RCN3: variants seen among roughly 807,000 people sequenced by gnomAD.
The protein encoded by RCN3 is reticulocalbin 3, also known as reticulocalbin-3.
RCN3 carries 41 observed loss-of-function variants against 35.9 expected under a neutral mutation model. The observed-to-expected ratio is 1.14, with a 90% CI of 0.89 to 1.48. The LOEUF (loss-of-function observed/expected upper bound fraction) is 1.48, where lower values mean the gene tolerates loss of function less well. RCN3 is among the 40% of genes most tolerant of loss of function. The pLI, the probability that RCN3 is intolerant of heterozygous loss-of-function variation, is 0.00. For missense variants in RCN3, 451 were observed against 471.3 expected, an observed-to-expected ratio of 0.96 and a Z score of 0.40; for synonymous variants, 187 against 193.4, an observed-to-expected ratio of 0.97 and a Z score of 0.27.
chr19:49,538,679 AC>A (rs2080148602), intron 4 of RCN3, among the ~76,000 whole-genome samples: 1 of 152,188 alleles, frequency 6.6e-6, no homozygotes, highest in Non-Finnish European at 1.5e-5. Context: ...CCAGAAGGGC[AC>A]AAAAACAAGG....
chr19:49,532,016 T>C (rs1372891547), intron 2 of RCN3, among the ~76,000 whole-genome samples: 1 of 150,530 alleles, frequency 6.6e-6, no homozygotes, highest in African/African-American at 2.4e-5. Flanking sequence ...TTAGCCAGGA[T>C]GGTCTAGATC....
At chr19:49,542,512 A>G in intron 5 of RCN3, 41 bp from the exon 6 acceptor site, 3 of 1,477,766 alleles carry the variant, frequency 2.0e-6, no homozygotes, top group Non-Finnish European at 2.8e-6. Context: ...CTAGACCCCC[A>G]GAGCTGCCCC....
chr19:49,530,068 C>T lies in RCN3; in HGVS notation c.242+1354C>T, dbSNP rs561232480. On this transcript the variant is annotated intron_variant, in intron 2 of 6. Coordinates refer to ENST00000270645, the MANE Select transcript of RCN3 (RefSeq NM_020650.3). The stretch of plus-strand genomic sequence containing the variant: ...CCGGGTTCAACCAGTTGTTCTGCCT[C>T]GTACTCCCTAGTAGCTAGAGTCCTA... 5.2e-3 allele frequency among the ~76,000 whole-genome samples: 788 copies of T among 152,112 alleles called. 12 individuals carry two copies. The highest frequency in any genetic ancestry group is 0.018 in the African/African-American group (750 of 41,496).
chr19:49,528,315 C>A, intron 1 of RCN3, 152 bp from the exon 2 acceptor site: 1 of 662,488 alleles, frequency 1.5e-6, no homozygotes, highest in South Asian at 3.5e-5. Context: ...CCCTCTTTTC[C>A]CCCATCGCCC....
At position 49,535,769 on chromosome 19, in the gene RCN3, G is replaced by A. The variant is rs1348375444; in HGVS notation, c.446-1264G>A. ...GGAGGGTGAGGCAAGAGAATCACTT[G>A]AACCCAGGAGGCAGAAGTTGCAGTG... On this transcript the variant is annotated intron_variant, in intron 3 of 6. Transcript: ENST00000270645. Among the ~76,000 whole-genome samples the A allele has an allele frequency of 2.0e-5, 3 of 150,674 alleles. No homozygotes were observed. The Admixed American group carries it at 2.0e-4, about 10-fold the overall frequency.
rs371509158 is a variant in RCN3, at chr19:49,542,785, G to A, written c.879+33G>A. ...GACGGGGCCTCGGCAGGAGCGAGGA[G>A]CGGGTGGGCATTGCGGGCCAGACTC... On this transcript the variant is annotated intron_variant, in intron 6 of 6. Transcript: ENST00000270645. 143 of 1,544,846 alleles carry A rather than the reference G, an allele frequency of 9.3e-5. 1 individual carries two copies. Among genetic ancestry groups the A allele is most frequent in the African/African-American group, 2.8e-4 (21 of 73,988 alleles).
At chr19:49,540,974 A>C in intron 5 of RCN3, among the ~76,000 whole-genome samples, 2 of 147,740 alleles carry the variant, frequency 1.4e-5, no homozygotes, top group African/African-American at 5.0e-5. Flanking sequence ...ATTGTCGCCC[A>C]GGCTGGAGTG....
chr19:49,538,582 G>C (rs951702676), intron 4 of RCN3, among the ~76,000 whole-genome samples: 13 of 152,232 alleles, frequency 8.5e-5, no homozygotes, highest in Non-Finnish European at 1.8e-4. Flanking sequence ...AAAGTGCTGG[G>C]ATTACAGGTG....
chr19:49,532,877 T>G (rs977707471), intron 2 of RCN3, among the ~76,000 whole-genome samples: 1 of 152,040 alleles, frequency 6.6e-6, no homozygotes, highest in African/African-American at 2.4e-5. Context: ...GGTTTCACCA[T>G]GTGGACCAGG....
intron 2 of RCN3, among the ~76,000 whole-genome samples, chr19:49,530,811 A>G (rs1460708958): frequency 6.6e-6 from 1 of 152,128 alleles, no homozygotes; most frequent in Non-Finnish European, 1.5e-5. Flanking sequence ...TGCAATTTTA[A>G]ACAGGGAACT....
chr19:49,530,326 AT>A (rs774074543), intron 2 of RCN3, among the ~76,000 whole-genome samples: 414 of 132,004 alleles, frequency 3.1e-3, no homozygotes, highest in Middle Eastern at 4.0e-3. Context: ...CGCCCAGCTA[AT>A]TTTTTTTTTT....
At chr19:49,539,214 T>C (rs200028349) in intron 5 of RCN3, 35 bp downstream of exon 5, 1 of 1,550,274 alleles carries the variant, frequency 6.5e-7, no homozygotes, top group East Asian at 2.3e-5. Flanking sequence ...GGGATGCCTG[T>C]CCTCTCTCAG....
At chr19:49,532,779 A>G (rs1259499250) in intron 2 of RCN3, among the ~76,000 whole-genome samples, 1 of 152,106 alleles carries the variant, frequency 6.6e-6, no homozygotes, top group Non-Finnish European at 1.5e-5. Context: ...AGATTCAACC[A>G]ATTCTCCCGC....
rs758747071 is a variant in RCN3, at chr19:49,537,217, C to CT, written c.618+13dup. 25 of 1,490,226 alleles carry CT rather than the reference C, an allele frequency of 1.7e-5. No individual in the cohort carries two copies. The highest frequency in any genetic ancestry group is 2.0e-5 in the Non-Finnish European group (22 of 1,111,358). The allele number at this position is 1,490,226 out of a possible 1,614,324, so 92.3% of individuals were successfully genotyped here. A position where few individuals can be genotyped will look rare whatever the true frequency, so the allele number is the denominator to read the frequency against. On this transcript the variant is annotated intron_variant, in intron 4 of 6. Transcript: ENST00000270645. ...ACATCGTGATTGCTGTGAGTGGCGG[C>CT]TGGGGAACCCTGTCCCCCACACCCT... is the stretch of plus-strand genomic sequence containing the variant.
intron 2 of RCN3, among the ~76,000 whole-genome samples, chr19:49,530,080 T>C (rs1184901510): frequency 6.6e-6 from 1 of 151,966 alleles, no homozygotes; most frequent in African/African-American, 2.4e-5. Flanking sequence ...TACTCCCTAG[T>C]AGCTAGAGTC....
chr19:49,528,787 G>C, intron 2 of RCN3, 73 bp downstream of exon 2: 2 of 1,437,204 alleles, frequency 1.4e-6, no homozygotes, highest in African/African-American at 2.9e-5. Context: ...ATCGACAGGG[G>C]TCAGAGAAAT....
chr19:49,536,898 A>T (rs1185333728), intron 3 of RCN3, 135 bp from the exon 4 acceptor site: 1 of 757,736 alleles, frequency 1.3e-6, no homozygotes, highest in East Asian at 3.0e-5. Context: ...GAGCCACTGC[A>T]TCCAGCCTAC....
At chr19:49,541,991 A>G (rs895759439) in intron 5 of RCN3, among the ~76,000 whole-genome samples, 38 of 147,158 alleles carry the variant, frequency 2.6e-4, no homozygotes, top group Non-Finnish European at 3.7e-4. Context: ...AAAAAAAAAA[A>G]GGGGGTGGGG....
At chr19:49,528,220 T>C (rs1237809094) in intron 1 of RCN3, 162 bp downstream of exon 1, 3 of 431,308 alleles carry the variant, frequency 7.0e-6, no homozygotes, top group Non-Finnish European at 1.2e-5. Context: ...TCTCTGTAAT[T>C]CCCCCTGGCA....
Sources: gnomAD v4.1 joint callset for allele counts (sites outside exome capture counted in the v4.1 genomes callset) on GRCh38, gnomAD v4.1.1 for gene constraint, MANE v1.5 for transcripts, NCBI Gene and HGNC (gene_info 2026-07-23, HGNC 2026-07-21) for gene names.